ITPR2: variants seen among roughly 807,000 people sequenced by gnomAD.
The protein encoded by ITPR2 is inositol 1,4,5-trisphosphate receptor type 2, also known as inositol 1,4,5-trisphosphate-gated calcium channel ITPR2.
In ITPR2, 207 loss-of-function variants were observed where a neutral mutation model predicts 317.1. The observed-to-expected ratio is 0.65, with a 90% confidence interval of 0.58 to 0.73. The LOEUF (loss-of-function observed/expected upper bound fraction) is 0.73. ITPR2 is among the 30% of genes least tolerant of loss of function. The pLI is 0.00. For missense variants in ITPR2, 2,613 were observed against 3,284.0 expected (o/e 0.80, Z 4.99); for synonymous variants, 1,156 against 1,149.1 (o/e 1.01, Z -0.12).
At chr12:26,645,368 C>T (rs760510067) in intron 21 of ITPR2, among the ~76,000 whole-genome samples, 3 of 152,232 alleles carry the variant, frequency 2.0e-5, no homozygotes, top group Non-Finnish European at 4.4e-5. Context: ...ACCCATGTTC[C>T]TGCCTTTTCT....
chr12:26,361,828 G>A (rs1938839852), intron 55 of ITPR2, among the ~76,000 whole-genome samples: 1 of 152,140 alleles, frequency 6.6e-6, no homozygotes, highest in Non-Finnish European at 1.5e-5. Flanking sequence ...TTATTTCCAT[G>A]TGCACTATCA....
chr12:26,654,980 T>C (rs1230593054), intron 20 of ITPR2, among the ~76,000 whole-genome samples: 1 of 152,204 alleles, frequency 6.6e-6, no homozygotes, highest in African/African-American at 2.4e-5. Flanking sequence ...GAAGCTATGA[T>C]AATGTTTGTT....
chr12:26,523,841 C>T (rs944674029), intron 37 of ITPR2, among the ~76,000 whole-genome samples: 6 of 152,220 alleles, frequency 3.9e-5, no homozygotes, highest in African/African-American at 9.6e-5. Context: ...TTGCACAACA[C>T]GTGACGTGTC....
At chr12:26,686,367 T>C in intron 11 of ITPR2, 114 bp downstream of exon 11, 1 of 607,212 alleles carries the variant, frequency 1.6e-6, no homozygotes, top group Non-Finnish European at 2.5e-6. Flanking sequence ...ACATTTTTCT[T>C]CATTTATGTT....
At position 26,802,407 on chromosome 12, in the gene ITPR2, C is replaced by T. The variant is rs186854534; in HGVS notation, c.93-12180G>A. On this transcript the variant is annotated intron_variant, in intron 1 of 56. Transcript: ENST00000381340. ...TCATGCCTGTAATGCTAGCACTTTG[C>T]GAGGCCGAGGCAGGAGGAGCATTTG... 4.0e-3 allele frequency among the ~76,000 whole-genome samples: 611 copies of T among 151,944 alleles called. 4 individuals are homozygous for T. Among genetic ancestry groups the T allele is most frequent in the African/African-American group, 0.013 (558 of 41,442 alleles).
In ITPR2 at chr12:26,578,777, G is replaced by A. The variant is rs755854075; in HGVS notation, c.4566C>T (p.Cys1522=). ...LLQSAFRIYN[C]TWPNPAQKAS... Reference sequence around the variant, plus strand: ...CTTTCTGCGCTGGGTTTGGCCAGGTGCAATTGTAAATTCTGAAGGCAGATT... The same window carrying A: ...CTTTCTGCGCTGGGTTTGGCCAGGTACAATTGTAAATTCTGAAGGCAGATT... The change falls in exon 34 of 57, where the codon TGC becomes TGT. Residue 1522 remains cysteine, a synonymous_variant. Transcript: ENST00000381340. The A allele has an allele frequency of 8.7e-6, 14 of 1,611,334 alleles. No individual in the cohort carries two copies. In the Admixed American group the frequency reaches 1.7e-4, roughly 19 times the overall value.
intron 2 of ITPR2, among the ~76,000 whole-genome samples, chr12:26,787,124 T>C (rs549655354): frequency 1.3e-5 from 2 of 152,352 alleles, no homozygotes; most frequent in Non-Finnish European, 2.9e-5. Context: ...TGTCTGCTCC[T>C]GGCTGTTAAG....
At chr12:26,513,803 C>T (rs949050203) in intron 37 of ITPR2, among the ~76,000 whole-genome samples, 1 of 151,892 alleles carries the variant, frequency 6.6e-6, no homozygotes, top group South Asian at 2.1e-4. Flanking sequence ...TTTCCCCCGC[C>T]GTGGTAGTCC....
chr12:26,793,020 A>C (rs374160724), intron 1 of ITPR2, among the ~76,000 whole-genome samples: 2 of 152,180 alleles, frequency 1.3e-5, no homozygotes, highest in African/African-American at 4.8e-5. Flanking sequence ...AATGCAACCT[A>C]CAATTTTAGT....
At chr12:26,635,141 C>T (rs1946839164) in intron 21 of ITPR2, among the ~76,000 whole-genome samples, 1 of 152,102 alleles carries the variant, frequency 6.6e-6, no homozygotes, top group Non-Finnish European at 1.5e-5. Flanking sequence ...AAGTGAAAAG[C>T]AATAAGGAAT....
rs1466010996 is a variant in ITPR2, at chr12:26,641,070, G to C, written c.2741-9011C>G. Among the ~76,000 whole-genome samples, 4 of 152,138 alleles carry C rather than the reference G, an allele frequency of 2.6e-5. No individual in the cohort carries two copies. In the East Asian group the frequency reaches 7.7e-4, roughly 29 times the overall value. On this transcript the variant is annotated intron_variant, in intron 21 of 56. Transcript: ENST00000381340. ...AAAGATCCTTACGTTGGAATGTGGA[G>C]AAAGAGTCAAAACACAGAGTCAGAG...
intron 2 of ITPR2, among the ~76,000 whole-genome samples, chr12:26,782,988 G>T (rs1050930622): frequency 7.2e-5 from 11 of 152,228 alleles, no homozygotes; most frequent in African/African-American, 2.7e-4. Flanking sequence ...TGCCTAGCAA[G>T]AACACACTTT....
intron 32 of ITPR2, among the ~76,000 whole-genome samples, chr12:26,590,951 G>A (rs1945684551): frequency 6.6e-6 from 1 of 151,762 alleles, no homozygotes; most frequent in African/African-American, 2.4e-5. Flanking sequence ...GTGGTGGCAG[G>A]TGCCTGTAGT....
intron 1 of ITPR2, among the ~76,000 whole-genome samples, chr12:26,817,374 A>G (rs1950877497): frequency 6.6e-6 from 1 of 152,176 alleles, no homozygotes; most frequent in South Asian, 2.1e-4. Context: ...CAAAACTAAT[A>G]AAGCCTCAAT....
intron 2 of ITPR2, among the ~76,000 whole-genome samples, chr12:26,752,819 T>G (rs1949449744): frequency 6.6e-6 from 1 of 151,816 alleles, no homozygotes; most frequent in Non-Finnish European, 1.5e-5. Flanking sequence ...GGGACTAGAG[T>G]GAGGAAACCC....
chr12:26,586,418 G>A (rs1945530628), intron 32 of ITPR2, among the ~76,000 whole-genome samples: 1 of 152,192 alleles, frequency 6.6e-6, no homozygotes, highest in African/African-American at 2.4e-5. Context: ...GTTTACAAGT[G>A]TGAGGATATT....
intron 13 of ITPR2, among the ~76,000 whole-genome samples, chr12:26,667,276 T>C (rs1378483080): frequency 6.6e-6 from 1 of 152,264 alleles, no homozygotes; most frequent in Admixed American, 6.5e-5. Context: ...TCCCGATTTA[T>C]GTCTTGAAAG....
intron 2 of ITPR2, among the ~76,000 whole-genome samples, chr12:26,744,867 T>C (rs1949291970): frequency 6.6e-6 from 1 of 152,192 alleles, no homozygotes; most frequent in Non-Finnish European, 1.5e-5. Context: ...CATAGCCTTA[T>C]AAAGAAAGAG....
At chr12:26,599,506 C>A (rs919207075) in intron 29 of ITPR2, among the ~76,000 whole-genome samples, 161 bp from the exon 30 acceptor site, 1 of 152,026 alleles carries the variant, frequency 6.6e-6, no homozygotes, top group African/African-American at 2.4e-5. Flanking sequence ...AGATCATTAA[C>A]CATTAAAAGA....
Sources: gnomAD v4.1 joint callset for allele counts (sites outside exome capture counted in the v4.1 genomes callset) on GRCh38, gnomAD v4.1.1 for gene constraint, MANE v1.5 for transcripts, NCBI Gene and HGNC (gene_info 2026-07-23, HGNC 2026-07-21) for gene names.